SLC2A9: variants seen among roughly 807,000 people sequenced by gnomAD.
The protein encoded by SLC2A9 is solute carrier family 2, facilitated glucose transporter member 9.
Under a neutral mutation model 50.6 loss-of-function variants are expected in SLC2A9, and 39 were observed. The ratio of observed to expected loss-of-function variants is 0.77; its 90% CI spans 0.60 to 1.01. SLC2A9 has a LOEUF of 1.01. Among genes scored for constraint, SLC2A9 ranks in the 50% least tolerant of loss-of-function variants. SLC2A9 has a pLI of 0.00. For missense variants in SLC2A9, 686 were observed against 677.6 expected, an observed-to-expected ratio of 1.01 and a Z score of -0.14; for synonymous variants, 324 against 276.9, an observed-to-expected ratio of 1.17 and a Z score of -1.69.
chr4:9,951,779 G>T (rs1378452185), intron 5 of SLC2A9, among the ~76,000 whole-genome samples: 1 of 152,214 alleles, frequency 6.6e-6, no homozygotes, highest in East Asian at 1.9e-4. Flanking sequence ...AATGGAAAAA[G>T]GTGGTATGAA....
intron 5 of SLC2A9, among the ~76,000 whole-genome samples, chr4:9,948,122 C>T (rs183165942): frequency 2.0e-5 from 3 of 151,992 alleles, no homozygotes; most frequent in East Asian, 1.9e-4. Context: ...TAAACACCAC[C>T]CCCCCACCCC....
intron 3 of SLC2A9, among the ~76,000 whole-genome samples, chr4:9,808,917 G>C (rs1017999395): frequency 6.6e-6 from 1 of 152,180 alleles, no homozygotes; most frequent in African/African-American, 2.4e-5. Flanking sequence ...GGCTTGGACT[G>C]TACCTGGGAG....
intron 10 of SLC2A9, among the ~76,000 whole-genome samples, chr4:9,862,552 A>C (rs1023838083): frequency 6.6e-6 from 1 of 151,906 alleles, no homozygotes; most frequent in Non-Finnish European, 1.5e-5. Context: ...GTTGAAGAAA[A>C]TATGTTTTTT....
At chr4:9,789,075 AT>A (rs1392426280) in intron 3 of SLC2A9, among the ~76,000 whole-genome samples, 1 of 152,214 alleles carries the variant, frequency 6.6e-6, no homozygotes, top group Non-Finnish European at 1.5e-5. Context: ...GAGCATCTCT[AT>A]TTCTATGCCT....
chr4:9,925,728 A>C (rs1321251569), intron 6 of SLC2A9, among the ~76,000 whole-genome samples: 2 of 152,202 alleles, frequency 1.3e-5, no homozygotes, highest in Non-Finnish European at 2.9e-5. Flanking sequence ...TTTGAATGAA[A>C]TAGTAAAAAT....
intron 10 of SLC2A9, among the ~76,000 whole-genome samples, chr4:9,881,498 G>A (rs552512417): frequency 6.6e-6 from 1 of 152,292 alleles, no homozygotes; most frequent in South Asian, 2.1e-4. Context: ...AAATTTCAGA[G>A]CTGAGGAACT....
intron 6 of SLC2A9, among the ~76,000 whole-genome samples, chr4:9,931,936 C>CAA (rs1746047975): frequency 9.2e-5 from 5 of 54,292 alleles, no homozygotes; most frequent in African/African-American, 1.2e-4. Flanking sequence ...CTCTCTCTCT[C>CAA]TCTCTCTCTC....
intron 8 of SLC2A9, among the ~76,000 whole-genome samples, chr4:9,904,586 A>G (rs1174550393): frequency 2.0e-5 from 3 of 152,300 alleles, no homozygotes; most frequent in Non-Finnish European, 2.9e-5. Flanking sequence ...TCTGGGAATC[A>G]TGGTGTGGAC....
intron 3 of SLC2A9, chr4:9,780,070 G>A (rs1184196183): frequency 6.6e-6 from 1 of 152,236 alleles, no homozygotes; most frequent in Non-Finnish European, 1.5e-5. Context: ...CAGGAGCTGT[G>A]GACAAAGACA....
intron 7 of SLC2A9, among the ~76,000 whole-genome samples, chr4:9,911,257 G>A (rs1741727620): frequency 6.6e-6 from 1 of 151,992 alleles, no homozygotes; most frequent in South Asian, 2.1e-4. Flanking sequence ...GGGCTACAGG[G>A]GTCCTGCCGG....
At chr4:9,788,575 C>T (rs138038869) in intron 3 of SLC2A9, among the ~76,000 whole-genome samples, 158 of 152,152 alleles carry the variant, frequency 1.0e-3, no homozygotes, top group Non-Finnish European at 2.0e-3. Flanking sequence ...GGTATGGGAC[C>T]TGGGGACACA....
intron 10 of SLC2A9, among the ~76,000 whole-genome samples, chr4:9,848,176 C>T (rs9990770): frequency 0.15 from 23,080 of 152,154 alleles, 2,315 homozygotes; most frequent in African/African-American, 0.28. Context: ...GAAATGCCCC[C>T]GAGCTTTGGA....
At chr4:9,829,497 A>G (rs1422948226) in intron 11 of SLC2A9, among the ~76,000 whole-genome samples, 2 of 151,616 alleles carry the variant, frequency 1.3e-5, no homozygotes, top group Non-Finnish European at 2.9e-5. Flanking sequence ...GAAGAGCAAC[A>G]AAAGCAAAAA....
intron 4 of SLC2A9, among the ~76,000 whole-genome samples, chr4:9,983,657 G>C (rs1195019592): frequency 6.6e-6 from 1 of 152,168 alleles, no homozygotes; most frequent in African/African-American, 2.4e-5. Context: ...AGCTGGCCCA[G>C]AGCAGAACTG....
chr4:9,870,745 C>A (rs904987312), intron 10 of SLC2A9, among the ~76,000 whole-genome samples: 1 of 152,168 alleles, frequency 6.6e-6, no homozygotes, highest in Non-Finnish European at 1.5e-5. Context: ...GGCAGGCATG[C>A]GTTCAAATCC....
chr4:9,905,130 G>C (rs1198111819), intron 8 of SLC2A9, among the ~76,000 whole-genome samples: 1 of 152,254 alleles, frequency 6.6e-6, no homozygotes, highest in Non-Finnish European at 1.5e-5. Flanking sequence ...AGCTGGCACA[G>C]TATGAGTGCA....
At chr4:9,954,521 T>A (rs4312757) in intron 5 of SLC2A9, among the ~76,000 whole-genome samples, 73,377 of 152,124 alleles carry the variant, frequency 0.48, 19,090 homozygotes, top group African/African-American at 0.67. Context: ...CTATACTGGC[T>A]GGTGGCTGGC....
At chr4:9,856,015 T>A (rs1018160723) in intron 10 of SLC2A9, among the ~76,000 whole-genome samples, 1 of 152,104 alleles carries the variant, frequency 6.6e-6, no homozygotes. Flanking sequence ...AAACCCTGGA[T>A]GAAAACTTAG....
intron 3 of SLC2A9, among the ~76,000 whole-genome samples, chr4:9,800,483 A>G (rs1314443404): frequency 6.6e-6 from 1 of 152,220 alleles, no homozygotes; most frequent in Non-Finnish European, 1.5e-5. Context: ...GCCATTTATA[A>G]GCCAAGCGGG....
Sources: gnomAD v4.1 joint callset for allele counts (sites outside exome capture counted in the v4.1 genomes callset) on GRCh38, gnomAD v4.1.1 for gene constraint, MANE v1.5 for transcripts, NCBI Gene and HGNC (gene_info 2026-07-23, HGNC 2026-07-21) for gene names.